The following NCOA1 variants were observed in gnomAD, a reference collection of about 807,000 sequenced individuals.
The protein encoded by NCOA1 is nuclear receptor coactivator 1.
Under a neutral mutation model 150.9 loss-of-function variants are expected in NCOA1, and 35 were observed. The ratio of observed to expected loss-of-function variants is 0.23; its 90% CI spans 0.18 to 0.31. The LOEUF (loss-of-function observed/expected upper bound fraction) is 0.31. Among genes scored for constraint, NCOA1 ranks in the 10% least tolerant of loss-of-function variants. The pLI, the probability that NCOA1 is intolerant of heterozygous loss-of-function variation, is 1.00. For missense variants in NCOA1, 1,491 were observed against 1,749.3 expected (o/e 0.85, Z 2.63); for synonymous variants, 590 against 630.0 (o/e 0.94, Z 0.95).
At chr2:24,717,997 A>G (rs957065109) in intron 14 of NCOA1, among the ~76,000 whole-genome samples, 1 of 151,782 alleles carries the variant, frequency 6.6e-6, no homozygotes, top group East Asian at 1.9e-4. Context: ...CTCAAGTTCA[A>G]GCAATTCTCG....
At chr2:24,492,845 T>A (rs187777141) in intron 1 of NCOA1, among the ~76,000 whole-genome samples, 1 of 152,200 alleles carries the variant, frequency 6.6e-6, no homozygotes, top group Admixed American at 6.5e-5. Flanking sequence ...AAATCAAGTG[T>A]CTGCTTAAAA....
intron 1 of NCOA1, among the ~76,000 whole-genome samples, chr2:24,552,353 A>G (rs544338459): frequency 2.6e-5 from 1 of 38,350 alleles, no homozygotes; most frequent in Admixed American, 4.5e-4. Context: ...ATATATATAT[A>G]TTTTTTTTTT....
intron 14 of NCOA1, among the ~76,000 whole-genome samples, chr2:24,720,125 G>A (rs1674283051): frequency 6.6e-6 from 1 of 152,184 alleles, no homozygotes; most frequent in Non-Finnish European, 1.5e-5. Flanking sequence ...GGGGAAGTCA[G>A]TAAATCTAAA....
intron 1 of NCOA1, among the ~76,000 whole-genome samples, chr2:24,558,429 G>A (rs1572417758): frequency 6.6e-6 from 1 of 152,258 alleles, no homozygotes; most frequent in South Asian, 2.1e-4. Context: ...GAGGTGAAAG[G>A]CACTTCTGAA....
At chr2:24,756,331 C>T (rs1438453905) in intron 20 of NCOA1, among the ~76,000 whole-genome samples, 1 of 152,174 alleles carries the variant, frequency 6.6e-6, no homozygotes, top group African/African-American at 2.4e-5. Flanking sequence ...GCCCCATAAG[C>T]ATACACACTG....
intron 3 of NCOA1, among the ~76,000 whole-genome samples, chr2:24,617,927 ATATT>A (rs1326625549): frequency 6.6e-6 from 1 of 152,190 alleles, no homozygotes; most frequent in African/African-American, 2.4e-5. Context: ...TCTCTGTGGA[ATATT>A]TAATGACATG....
intron 8 of NCOA1, among the ~76,000 whole-genome samples, chr2:24,688,387 C>T (rs539362220): frequency 2.6e-5 from 4 of 152,234 alleles, no homozygotes; most frequent in South Asian, 2.1e-4. Flanking sequence ...TAAGCATTCC[C>T]GTTTGCCCAC....
intron 16 of NCOA1, among the ~76,000 whole-genome samples, chr2:24,728,833 C>T (rs927928556): frequency 3.3e-5 from 5 of 152,118 alleles, no homozygotes; most frequent in African/African-American, 1.2e-4. Context: ...CTTTTTTACA[C>T]GATAGGGTGA....
intron 1 of NCOA1, among the ~76,000 whole-genome samples, chr2:24,552,353 A>ATATATAT (rs1665887989): frequency 2.6e-5 from 1 of 38,350 alleles, no homozygotes; most frequent in Non-Finnish European, 4.3e-5. Flanking sequence ...ATATATATAT[A>ATATATAT]TTTTTTTTTT....
chr2:24,758,114 C>G lies in NCOA1; in HGVS notation c.4023C>G (p.Ser1341Arg). Residue 1341 changes from serine (S) to arginine (R), a missense_variant, in exon 21 of 23, where the codon AGC becomes AGG. Physicochemically the swap from Ser to Arg is moderately radical, Grantham distance 110 (BLOSUM62 -1). Transcript: ENST00000348332. Reference protein sequence around the residue: ...MNPMMAQMQMSSLQMPGMNTV... With the variant: ...MNPMMAQMQMRSLQMPGMNTV... ...CAATGATGGCCCAGATGCAGATGAG[C>G]TCTTTGCAGATGCCAGGAATGAACA... is the stretch of plus-strand genomic sequence containing the variant. 6.2e-7 allele frequency: 1 copy of G among 1,614,058 alleles called. No homozygotes were observed.
intron 1 of NCOA1, among the ~76,000 whole-genome samples, chr2:24,499,343 T>C (rs1175029757): frequency 1.3e-5 from 2 of 152,174 alleles, no homozygotes; most frequent in Non-Finnish European, 2.9e-5. Context: ...GATTCTTAGA[T>C]GTTGATTTGA....
chr2:24,492,562 A>C (rs1444064323), intron 1 of NCOA1, among the ~76,000 whole-genome samples: 2 of 152,114 alleles, frequency 1.3e-5, no homozygotes, highest in African/African-American at 2.4e-5. Flanking sequence ...GTGTCCGGAG[A>C]GTTTCATGGG....
intron 6 of NCOA1, among the ~76,000 whole-genome samples, chr2:24,671,226 T>C (rs546174100): frequency 2.1e-4 from 32 of 152,334 alleles, no homozygotes; most frequent in Non-Finnish European, 3.8e-4. Context: ...ATCAATGTGG[T>C]TAAATCTCAA....
At chr2:24,569,688 G>A (rs1159980542) in intron 2 of NCOA1, among the ~76,000 whole-genome samples, 2 of 147,952 alleles carry the variant, frequency 1.4e-5, no homozygotes, top group Non-Finnish European at 3.0e-5. Flanking sequence ...TGGCCAATGT[G>A]GTGAAACCAC....
intron 6 of NCOA1, among the ~76,000 whole-genome samples, chr2:24,670,025 C>G (rs909056305): frequency 7.2e-5 from 11 of 152,166 alleles, no homozygotes; most frequent in African/African-American, 2.2e-4. Flanking sequence ...GTAGTCCCAA[C>G]TATTCGGGAG....
Position 24,728,319 on chromosome 2 carries a change from G to T in NCOA1, c.2729G>T (p.Ser910Ile). The T allele has an allele frequency of 6.2e-7, 1 of 1,610,520 alleles. No individual in the cohort carries two copies. ...TTTTAATCCTGCAGCCAGTGTATTA[G>T]CTCACAATTAGATGAGCTTCTCTGT... ...NQSKSEDQCI[S>I]SQLDELLCPP... The change falls in exon 16 of 23, where the codon AGC (serine) becomes ATC (isoleucine). Residue 910 changes from serine to isoleucine, a missense_variant. Ser to Ile is a moderately radical substitution (Grantham distance 142). Around this residue, in one of 8 missense-constraint regions of NCOA1, gnomAD observed 703 missense variants for 717.7 expected, o/e 0.98. Transcript: ENST00000348332.
chr2:24,718,412 A>G (rs1271624615), intron 14 of NCOA1, among the ~76,000 whole-genome samples: 1 of 152,214 alleles, frequency 6.6e-6, no homozygotes, highest in Non-Finnish European at 1.5e-5. Flanking sequence ...GCAATTTCTC[A>G]TAAAGTTAAT....
chr2:24,726,761 G>C (rs1674646549), intron 15 of NCOA1, 55 bp downstream of exon 15: 2 of 1,084,026 alleles, frequency 1.8e-6, no homozygotes, highest in Non-Finnish European at 1.3e-6. Flanking sequence ...TCTAAACAGA[G>C]AACTATTTTT....
chr2:24,705,500 A>G (rs561795328), intron 12 of NCOA1, among the ~76,000 whole-genome samples: 1 of 152,350 alleles, frequency 6.6e-6, no homozygotes, highest in Non-Finnish European at 1.5e-5. Flanking sequence ...CTAAAAATTT[A>G]CAACATTCCA....
Sources: allele counts gnomAD v4.1 joint callset (sites outside exome capture counted in the v4.1 genomes callset), GRCh38; gene constraint gnomAD v4.1.1; regional missense constraint gnomAD v4.1.1; transcripts MANE v1.5; gene names NCBI Gene and HGNC (gene_info 2026-07-23, HGNC 2026-07-21).